TRPC4: variants seen among roughly 807,000 people sequenced by gnomAD.
The protein encoded by TRPC4 is short transient receptor potential channel 4.
A neutral mutation model predicts 99.4 loss-of-function variants in TRPC4; 49 were observed. That is an observed-to-expected ratio of 0.49 (90% CI 0.39 to 0.63). TRPC4 has a LOEUF of 0.63. Ranked by LOEUF, TRPC4 falls within the 20% of genes least tolerant of loss-of-function variation. The pLI, the probability that TRPC4 is intolerant of heterozygous loss-of-function variation, is 0.00. For synonymous variants in TRPC4, 454 were observed against 425.9 expected (o/e 1.07, Z -0.81); for missense variants, 898 against 1,152.9 (o/e 0.78, Z 3.20).
At chr13:37,677,099 G>A (rs999605733) in intron 4 of TRPC4, among the ~76,000 whole-genome samples, 9 of 151,982 alleles carry the variant, frequency 5.9e-5, no homozygotes, top group African/African-American at 1.4e-4. Flanking sequence ...CAAGCCTCCC[G>A]TCATAAGGTT....
intron 3 of TRPC4, among the ~76,000 whole-genome samples, chr13:37,720,942 A>C (rs1428593854): frequency 6.6e-6 from 1 of 152,204 alleles, no homozygotes; most frequent in African/African-American, 2.4e-5. Flanking sequence ...GCTGGTGTAA[A>C]AATGTTTGCC....
At chr13:37,683,934 A>G (rs946703155) in intron 4 of TRPC4, among the ~76,000 whole-genome samples, 3 of 152,228 alleles carry the variant, frequency 2.0e-5, no homozygotes, top group African/African-American at 7.2e-5. Context: ...CAGAAAATTT[A>G]TGATAACCGA....
intron 3 of TRPC4, among the ~76,000 whole-genome samples, chr13:37,728,951 T>C (rs1193270214): frequency 6.6e-6 from 1 of 152,052 alleles, no homozygotes. Context: ...TTTCAACAAA[T>C]GGTGCTGGGA....
rs1424874076 is a variant in TRPC4, at chr13:37,767,227, C to G, written c.378+15729G>C. On this transcript the variant is annotated intron_variant, in intron 2 of 10. Transcript: ENST00000379705. ...TCCTTGAGACAGCACTGACTTTATC[C>G]TGCTAAAAAAGCTGTATATTCTATT... Among the ~76,000 whole-genome samples, 5 of 150,934 alleles carry G rather than the reference C, an allele frequency of 3.3e-5. No individual in the cohort carries two copies. In the Admixed American group the frequency reaches 3.3e-4, roughly 10 times the overall value.
chr13:37,784,698 A>T (rs1794109826), intron 1 of TRPC4, among the ~76,000 whole-genome samples: 1 of 152,012 alleles, frequency 6.6e-6, no homozygotes, highest in Admixed American at 6.6e-5. Context: ...GATTTGTATA[A>T]TGTTTTAACC....
intron 1 of TRPC4, among the ~76,000 whole-genome samples, chr13:37,827,967 T>G (rs1337384083): frequency 6.6e-6 from 1 of 152,172 alleles, no homozygotes; most frequent in African/African-American, 2.4e-5. Flanking sequence ...CGGGATATAA[T>G]CTCGTGGTGG....
intron 2 of TRPC4, among the ~76,000 whole-genome samples, chr13:37,782,013 A>G (rs1956854002): frequency 6.6e-6 from 1 of 152,144 alleles, no homozygotes; most frequent in East Asian, 1.9e-4. Context: ...TAGAGCTAAA[A>G]TAACATCCAT....
intron 5 of TRPC4, among the ~76,000 whole-genome samples, chr13:37,673,701 G>A (rs1343977879): frequency 6.6e-6 from 1 of 152,174 alleles, no homozygotes; most frequent in Non-Finnish European, 1.5e-5. Flanking sequence ...GGAGTAATGA[G>A]TGTGTGAGAT....
At chr13:37,869,359 AC>A (rs1164650989) in intron 1 of TRPC4, among the ~76,000 whole-genome samples, 1 of 151,984 alleles carries the variant, frequency 6.6e-6, no homozygotes, top group Non-Finnish European at 1.5e-5. Flanking sequence ...ACTGAGGAGC[AC>A]CCCCAAACTC....
At chr13:37,655,663 ATC>A (rs1191618902) in intron 6 of TRPC4, among the ~76,000 whole-genome samples, 1 of 152,110 alleles carries the variant, frequency 6.6e-6, no homozygotes, top group Non-Finnish European at 1.5e-5. Flanking sequence ...TAAAATTCAC[ATC>A]TCTATATCCA....
intron 3 of TRPC4, among the ~76,000 whole-genome samples, chr13:37,736,895 ATTTTT>A (rs34176145): frequency 4.7e-5 from 6 of 127,742 alleles, no homozygotes; most frequent in Non-Finnish European, 8.1e-5. Context: ...TGCCTGGCTA[ATTTTT>A]TTTTTTTTTT....
At chr13:37,764,462 T>C (rs1956304519) in intron 2 of TRPC4, among the ~76,000 whole-genome samples, 1 of 148,648 alleles carries the variant, frequency 6.7e-6, no homozygotes, top group African/African-American at 2.5e-5. Flanking sequence ...ACTTTCATAT[T>C]GGTTACAATA....
At chr13:37,699,788 C>G (rs1954045965) in intron 3 of TRPC4, among the ~76,000 whole-genome samples, 1 of 152,156 alleles carries the variant, frequency 6.6e-6, no homozygotes, top group Admixed American at 6.5e-5. Context: ...GAAGGGAAGA[C>G]AATAACTAAA....
At chr13:37,796,470 G>T (rs1366731168) in intron 1 of TRPC4, among the ~76,000 whole-genome samples, 1 of 152,056 alleles carries the variant, frequency 6.6e-6, no homozygotes, top group Non-Finnish European at 1.5e-5. Context: ...TTACTGAATG[G>T]CCATTCAGTT....
At chr13:37,772,476 T>C (rs776349147) in intron 2 of TRPC4, among the ~76,000 whole-genome samples, 2 of 151,738 alleles carry the variant, frequency 1.3e-5, no homozygotes, top group Non-Finnish European at 2.9e-5. Flanking sequence ...TACATACATA[T>C]TCATGTGTGT....
At chr13:37,747,608 G>A (rs1417888578) in intron 2 of TRPC4, among the ~76,000 whole-genome samples, 1 of 152,102 alleles carries the variant, frequency 6.6e-6, no homozygotes, top group Non-Finnish European at 1.5e-5. Flanking sequence ...GGAGAAAAAC[G>A]ACACTCATGA....
At chr13:37,733,781 A>G (rs959801878) in intron 3 of TRPC4, among the ~76,000 whole-genome samples, 1 of 152,188 alleles carries the variant, frequency 6.6e-6, no homozygotes, top group Non-Finnish European at 1.5e-5. Flanking sequence ...AAACTGCACT[A>G]ATAATCAAAT....
intron 3 of TRPC4, among the ~76,000 whole-genome samples, chr13:37,715,440 C>A (rs1488307615): frequency 2.6e-5 from 4 of 152,102 alleles, no homozygotes; most frequent in Admixed American, 2.0e-4. Flanking sequence ...AAAGATCTGT[C>A]TTTAAAATGC....
chr13:37,820,066 A>T (rs761684954), intron 1 of TRPC4, among the ~76,000 whole-genome samples: 15 of 152,032 alleles, frequency 9.9e-5, no homozygotes, highest in Non-Finnish European at 1.8e-4. Context: ...AAGATATAAA[A>T]GAGAGAAGAT....
Sources: allele counts gnomAD v4.1 joint callset (sites outside exome capture counted in the v4.1 genomes callset), GRCh38; gene constraint gnomAD v4.1.1; transcripts MANE v1.5; gene names NCBI Gene and HGNC (gene_info 2026-07-23, HGNC 2026-07-21).